Variants in NAV3 observed in about 807,000 individuals in gnomAD.
The protein encoded by NAV3 is pore membrane and/or filament interacting like protein 1.
A neutral mutation model predicts 244.7 loss-of-function variants in NAV3; 87 were observed. The observed-to-expected ratio is 0.36, with a 90% CI of 0.30 to 0.42. NAV3 has a LOEUF of 0.42. Ranked by LOEUF, NAV3 falls within the 20% of genes least tolerant of loss-of-function variation. The pLI is 1.00. For missense variants in NAV3, 2,663 were observed against 2,893.3 expected (o/e 0.92, Z 1.83); for synonymous variants, 1,126 against 1,042.2 (o/e 1.08, Z -1.55).
chr12:77,641,514 A>G (rs969459047), intron 2 of NAV3, among the ~76,000 whole-genome samples: 4 of 152,152 alleles, frequency 2.6e-5, no homozygotes, highest in East Asian at 1.9e-4. Flanking sequence ...ATAAAAAATT[A>G]TAATAAAAAG....
intron 38 of NAV3, 36 bp downstream of exon 38, chr12:78,200,627 A>T (rs1183342057): frequency 1.3e-5 from 16 of 1,266,874 alleles, no homozygotes; most frequent in African/African-American, 1.7e-5. Context: ...TTTTTTTTTA[A>T]AAAAAAAAAG....
intron 19 of NAV3, 86 bp downstream of exon 19, chr12:78,137,451 C>A (rs1056006031): frequency 1.6e-5 from 21 of 1,331,692 alleles, no homozygotes; most frequent in Admixed American, 2.5e-5. Flanking sequence ...CACAAAGATT[C>A]CTGAAGAGGA....
chr12:77,807,961 G>T (rs1321701638), intron 2 of NAV3, among the ~76,000 whole-genome samples: 3 of 151,944 alleles, frequency 2.0e-5, no homozygotes, highest in Non-Finnish European at 4.4e-5. Flanking sequence ...TCCGCTTGAT[G>T]GATTCAGCTA....
rs757451436 is a variant in NAV3, at chr12:78,006,667, G to C, written c.1129G>C (p.Ala377Pro). Residue 377 changes from alanine (A) to proline (P), a missense_variant, in exon 8 of 40, where the codon GCT becomes CCT. Physicochemically the swap from Ala to Pro is conservative, Grantham distance 27. Coordinates refer to ENST00000397909, the MANE Select transcript of NAV3 (RefSeq NM_001024383.2). ...ACCTGTCTCAGAAGGGGTCAAAACT[G>C]CTCCCTCAGGACAGAAATCCATGCT... ...KPPVSEGVKT[A>P]PSGQKSMLEK... 1 of 1,614,080 alleles carries C rather than the reference G, an allele frequency of 6.2e-7. No individual in the cohort carries two copies.
intron 1 of NAV3, among the ~76,000 whole-genome samples, chr12:77,859,342 A>G (rs1270296918): frequency 3.3e-5 from 5 of 152,092 alleles, no homozygotes; most frequent in Admixed American, 1.3e-4. Flanking sequence ...AACGTGTTTC[A>G]GAAACAATCT....
chr12:77,706,387 T>G (rs944588054), intron 2 of NAV3, among the ~76,000 whole-genome samples: 2 of 151,334 alleles, frequency 1.3e-5, no homozygotes, highest in Non-Finnish European at 2.9e-5. Flanking sequence ...ATAAAAAGAC[T>G]TTCTTCAAAT....
intron 2 of NAV3, among the ~76,000 whole-genome samples, chr12:77,662,959 G>T (rs567668648): frequency 6.6e-6 from 1 of 152,190 alleles, no homozygotes; most frequent in Admixed American, 6.5e-5. Context: ...ATTTCTTACT[G>T]TCAGGCTTTG....
At chr12:77,728,170 C>T (rs911176372) in intron 2 of NAV3, among the ~76,000 whole-genome samples, 7 of 151,924 alleles carry the variant, frequency 4.6e-5, no homozygotes, top group Non-Finnish European at 1.0e-4. Context: ...GTACTTAAAT[C>T]CCCAGCTCAC....
intron 2 of NAV3, among the ~76,000 whole-genome samples, chr12:77,572,932 GC>G: frequency 6.6e-6 from 1 of 152,276 alleles, no homozygotes; most frequent in South Asian, 2.1e-4. Flanking sequence ...ACTCTTACCT[GC>G]TGAATTGCTC....
At chr12:77,835,677 T>A (rs1210324346) in intron 1 of NAV3, among the ~76,000 whole-genome samples, 3 of 152,234 alleles carry the variant, frequency 2.0e-5, no homozygotes, top group African/African-American at 7.2e-5. Context: ...GCCTTTAAAG[T>A]TTCCTATCAA....
At chr12:77,970,350 C>T (rs1465969534) in intron 5 of NAV3, among the ~76,000 whole-genome samples, 3 of 152,106 alleles carry the variant, frequency 2.0e-5, no homozygotes, top group Non-Finnish European at 4.4e-5. Flanking sequence ...TGGACCACCT[C>T]CCACTTACTG....
At chr12:77,902,310 G>T (rs1368839109) in intron 1 of NAV3, among the ~76,000 whole-genome samples, 2 of 152,168 alleles carry the variant, frequency 1.3e-5, no homozygotes, top group African/African-American at 2.4e-5. Flanking sequence ...TTCATAGAAA[G>T]AACTATTTTG....
chr12:77,810,062 C>T (rs750071040), intron 2 of NAV3, among the ~76,000 whole-genome samples: 8 of 152,152 alleles, frequency 5.3e-5, no homozygotes, highest in Non-Finnish European at 7.4e-5. Context: ...CTTTTGTTTT[C>T]AGTTTAATTT....
At chr12:78,119,140 A>G in intron 14 of NAV3, 97 bp from the exon 15 acceptor site, 1 of 1,162,266 alleles carries the variant, frequency 8.6e-7, no homozygotes, top group Non-Finnish European at 1.2e-6. Context: ...GAAGGGAAAT[A>G]ATATAAAGAA....
At chr12:77,874,110 C>A (rs910994116) in intron 1 of NAV3, among the ~76,000 whole-genome samples, 7 of 151,958 alleles carry the variant, frequency 4.6e-5, no homozygotes, top group African/African-American at 1.7e-4. Flanking sequence ...CCCCACCCAC[C>A]CTAGTCTGTG....
intron 2 of NAV3, among the ~76,000 whole-genome samples, chr12:77,645,336 T>G (rs2136966889): frequency 6.9e-6 from 1 of 144,320 alleles, no homozygotes; most frequent in South Asian, 2.1e-4. Flanking sequence ...TCCAAATAAC[T>G]TTAACTCTGT....
chr12:77,810,587 A>G (rs368751756), intron 2 of NAV3, among the ~76,000 whole-genome samples: 1 of 152,208 alleles, frequency 6.6e-6, no homozygotes, highest in Admixed American at 6.5e-5. Context: ...ATCAAAAAAT[A>G]TTTTAAAACT....
At chr12:77,985,665 A>G (rs1009597557) in intron 5 of NAV3, among the ~76,000 whole-genome samples, 1 of 151,872 alleles carries the variant, frequency 6.6e-6, no homozygotes, top group Non-Finnish European at 1.5e-5. Context: ...ACTCCTTTCT[A>G]TGTAACTTTA....
intron 2 of NAV3, among the ~76,000 whole-genome samples, chr12:77,766,906 C>G (rs950568063): frequency 1.3e-5 from 2 of 151,838 alleles, no homozygotes; most frequent in African/African-American, 4.8e-5. Context: ...GGGCACCCAC[C>G]ACCACACCCA....
Sources: allele counts gnomAD v4.1 joint callset (sites outside exome capture counted in the v4.1 genomes callset), GRCh38; gene constraint gnomAD v4.1.1; transcripts MANE v1.5; gene names NCBI Gene and HGNC (gene_info 2026-07-23, HGNC 2026-07-21).